Variants in SLC1A2 observed in about 807,000 individuals in gnomAD.
The protein encoded by SLC1A2 is excitatory amino acid transporter 2.
A neutral mutation model predicts 48.8 loss-of-function variants in SLC1A2; 15 were observed. That is an observed-to-expected ratio of 0.31 (90% CI 0.21 to 0.47). SLC1A2 has a LOEUF of 0.47. Ranked by LOEUF, SLC1A2 falls within the 20% of genes least tolerant of loss-of-function variation. The probability of loss-of-function intolerance (pLI) is 0.99; values close to 1 mark genes in which losing one functional copy is unlikely to be tolerated. For synonymous variants in SLC1A2, 279 were observed against 272.6 expected (o/e 1.02, Z -0.23); for missense variants, 502 against 730.5 (o/e 0.69, Z 3.61).
At chr11:35,385,097 C>T (rs1451966738) in intron 1 of SLC1A2, among the ~76,000 whole-genome samples, 1 of 152,108 alleles carries the variant, frequency 6.6e-6, no homozygotes, top group East Asian at 1.9e-4. Context: ...TTCTAGAGGC[C>T]CCAGAGTGAC....
chr11:35,265,695 G>A lies in SLC1A2; in HGVS notation c.1485C>T (p.His495=). ...GDSFGAGIVY[H]LSKSELDTID... Reference sequence around the variant, plus strand: ...TGGTATCCAGCTCAGACTTGGAGAGGTGATAGACTATCCCAGCCCCAAAAG... The same window carrying A: ...TGGTATCCAGCTCAGACTTGGAGAGATGATAGACTATCCCAGCCCCAAAAG... Residue 495 remains histidine, a synonymous_variant, in exon 10 of 11, where the codon CAC becomes CAT. Coordinates refer to ENST00000278379, the MANE Select transcript of SLC1A2 (RefSeq NM_004171.4). 1 of 1,613,998 alleles carries A rather than the reference G, an allele frequency of 6.2e-7. No individual in the cohort carries two copies. The highest frequency in any genetic ancestry group is 8.5e-7 in the Non-Finnish European group (1 of 1,179,842).
At chr11:35,261,570 C>T (rs1201036511) in intron 10 of SLC1A2, 5 of 397,470 alleles carry the variant, frequency 1.3e-5, no homozygotes, top group Non-Finnish European at 2.2e-5. Context: ...ATAAAATTAC[C>T]AGACCATCTA....
At chr11:35,277,776 T>C (rs896025105) in intron 9 of SLC1A2, among the ~76,000 whole-genome samples, 2 of 105,364 alleles carry the variant, frequency 1.9e-5, no homozygotes, top group African/African-American at 2.9e-5. Context: ...TTTCTTTTCA[T>C]GTGGATGGAC....
rs185009019 is a variant in SLC1A2, at chr11:35,401,870, C to A, written c.17+17080G>T. 3.2e-3 allele frequency among the ~76,000 whole-genome samples: 483 copies of A among 152,234 alleles called. 4 individuals are homozygous for A. The highest frequency in any genetic ancestry group is 0.011 in the African/African-American group (456 of 41,538). On this transcript the variant is annotated intron_variant, in intron 1 of 10. Coordinates refer to ENST00000278379, the MANE Select transcript of SLC1A2 (RefSeq NM_004171.4). ...TTAAAGGAAACAACAGTCATCCAGT[C>A]CACCCCCTACTTCCAAGGCTCGGGC...
chr11:35,372,434 T>A (rs1251196900), intron 1 of SLC1A2, among the ~76,000 whole-genome samples: 1 of 152,238 alleles, frequency 6.6e-6, no homozygotes, highest in African/African-American at 2.4e-5. Context: ...TATTAGCTTT[T>A]CCTGTTATTT....
rs1160643272 is a variant in SLC1A2, at chr11:35,315,150, T to A, written c.183A>T (p.Gly61=). The change falls in exon 3 of 11, where the codon GGA becomes GGT. Residue 61 remains glycine, a synonymous_variant. Transcript: ENST00000278379. ...VFGVILGAVC[G]GLLRLASPIH... ...TGGGAGATGCCAAGCGAAGAAGCCC[T>A]CCACACACTGCTCCCAGGATGACAC... 2 of 1,613,504 alleles carry A rather than the reference T, an allele frequency of 1.2e-6. No individual in the cohort carries two copies. Among genetic ancestry groups the A allele is most frequent in the Non-Finnish European group, 1.7e-6 (2 of 1,179,668 alleles).
chr11:35,405,348 G>T (rs1855254146), intron 1 of SLC1A2, among the ~76,000 whole-genome samples: 1 of 151,516 alleles, frequency 6.6e-6, no homozygotes, highest in South Asian at 2.1e-4. Context: ...ATAGTTAAAA[G>T]ATCAATTTAA....
At chr11:35,332,514 C>T (rs369455858) in intron 1 of SLC1A2, among the ~76,000 whole-genome samples, 1 of 152,224 alleles carries the variant, frequency 6.6e-6, no homozygotes, top group Admixed American at 6.5e-5. Context: ...CAATGCCAGG[C>T]ACCTAATAGG....
Position 35,371,396 on chromosome 11 carries a change from C to T in SLC1A2, c.17+47554G>A, listed in dbSNP as rs114393645. On this transcript the variant is annotated intron_variant, in intron 1 of 10. Coordinates refer to ENST00000278379, the MANE Select transcript of SLC1A2 (RefSeq NM_004171.4). ...TTGTTCTCACTCTTCATCTCCCTGC[C>T]ACCATCTGTCAACTACAATGACTTT... 4.8e-4 allele frequency among the ~76,000 whole-genome samples: 73 copies of T among 152,302 alleles called. 1 individual carries two copies. The highest frequency in any genetic ancestry group is 1.7e-3 in the African/African-American group (71 of 41,570).
At chr11:35,266,808 A>G (rs12802986) in intron 9 of SLC1A2, among the ~76,000 whole-genome samples, 1 of 152,258 alleles carries the variant, frequency 6.6e-6, no homozygotes, top group Admixed American at 6.5e-5. Flanking sequence ...AGTTCCAGGC[A>G]AAGCGGAAAC....
rs1371242589 is a variant in SLC1A2, at chr11:35,259,778, T to A, written c.*1116A>T. 6.6e-6 allele frequency: 1 copy of A among 152,218 alleles called. No homozygotes were observed. The highest frequency in any genetic ancestry group is 2.4e-5 in the African/African-American group (1 of 41,458). The allele number at this position is 152,218 out of a possible 1,614,324, so 9.4% of individuals were successfully genotyped here. On this transcript the variant is annotated 3_prime_UTR_variant, in exon 11 of 11. Transcript: ENST00000278379. ...TGTCCTATAACTGGTTTTATGTGCT[T>A]TGATAGAAGATAACAAAACGCTTTC...
intron 1 of SLC1A2, among the ~76,000 whole-genome samples, chr11:35,409,434 G>T (rs960610628): frequency 6.6e-6 from 1 of 152,070 alleles, no homozygotes; most frequent in African/African-American, 2.4e-5. Flanking sequence ...TATTCCTTCT[G>T]ACCCCTTCCA....
At chr11:35,386,285 G>A (rs1854581450) in intron 1 of SLC1A2, among the ~76,000 whole-genome samples, 2 of 151,702 alleles carry the variant, frequency 1.3e-5, no homozygotes, top group Non-Finnish European at 2.9e-5. Context: ...TTTTTCCATG[G>A]AATATCTAAA....
intron 1 of SLC1A2, among the ~76,000 whole-genome samples, chr11:35,402,221 A>G (rs556529616): frequency 6.6e-6 from 1 of 152,196 alleles, no homozygotes; most frequent in East Asian, 1.9e-4. Flanking sequence ...GGGACTGCTC[A>G]CCAGAAAGAC....
rs997977926 is a variant in SLC1A2, at chr11:35,251,682, A to G, written c.*9212T>C. 1 of 152,756 alleles carries G rather than the reference A, an allele frequency of 6.5e-6. No homozygotes were observed. Among genetic ancestry groups the G allele is most frequent in the Admixed American group, 6.5e-5 (1 of 15,298 alleles). 9.5% of individuals were successfully genotyped at this position (152,756 alleles called of 1,614,324 possible). A position where few individuals can be genotyped will look rare whatever the true frequency, so the allele number is the denominator to read the frequency against. On this transcript the variant is annotated 3_prime_UTR_variant, in exon 11 of 11. Coordinates refer to ENST00000278379, the MANE Select transcript of SLC1A2 (RefSeq NM_004171.4). ...ATCCTAAATTTGAAAGGAGTTGAAG[A>G]AGCCACATTTTCAAGGAAAAATTAG...
intron 9 of SLC1A2, among the ~76,000 whole-genome samples, chr11:35,278,249 C>CACTTCTT (rs1850506196): frequency 6.6e-6 from 1 of 150,560 alleles, no homozygotes; most frequent in African/African-American, 2.4e-5. Flanking sequence ...TTCAGGGAGC[C>CACTTCTT]ACTTCTTACT....
At chr11:35,268,587 C>T (rs1259621764) in intron 9 of SLC1A2, among the ~76,000 whole-genome samples, 1 of 151,290 alleles carries the variant, frequency 6.6e-6, no homozygotes, top group Non-Finnish European at 1.5e-5. Flanking sequence ...ATCACTTGAA[C>T]TGGGGAGGCA....
chr11:35,315,975 G>A (rs1851863390), intron 2 of SLC1A2: 1 of 152,202 alleles, frequency 6.6e-6, no homozygotes, highest in South Asian at 2.1e-4. Flanking sequence ...GACCAAGCTA[G>A]TGTGAATTCT....
intron 1 of SLC1A2, among the ~76,000 whole-genome samples, chr11:35,388,962 G>A (rs945464929): frequency 2.0e-5 from 3 of 152,308 alleles, no homozygotes; most frequent in Middle Eastern, 3.4e-3. Flanking sequence ...CTGGGAGTGA[G>A]GGTTGAATAA....
Sources: gnomAD v4.1 joint callset for allele counts (sites outside exome capture counted in the v4.1 genomes callset) on GRCh38, gnomAD v4.1.1 for gene constraint, MANE v1.5 for transcripts, NCBI Gene and HGNC (gene_info 2026-07-23, HGNC 2026-07-21) for gene names.